Variants in CLASRP observed in about 807,000 individuals in gnomAD.
CLASRP encodes the protein CLK4-associating serine/arginine rich protein.
A neutral mutation model predicts 99.9 loss-of-function variants in CLASRP; 52 were observed. The observed-to-expected ratio is 0.52, with a 90% CI of 0.42 to 0.66. The LOEUF (loss-of-function observed/expected upper bound fraction) is 0.66. CLASRP is among the 30% of genes least tolerant of loss of function. The pLI, the probability that CLASRP is intolerant of heterozygous loss-of-function variation, is 0.00. For missense variants in CLASRP, 848 were observed against 999.2 expected, an observed-to-expected ratio of 0.85 and a Z score of 2.04; for synonymous variants, 379 against 373.0, an observed-to-expected ratio of 1.02 and a Z score of -0.18.
Position 45,064,630 on chromosome 19 carries a change from GGT to G in CLASRP, c.1409+8_1409+9del. On this transcript the variant is annotated splice_donor_variant, in intron 13 of 20. Transcript: ENST00000221455. LOFTEE classifies it high-confidence loss of function. The stretch of plus-strand genomic sequence containing the variant: ...GGTTACGGGCCCCGGCGCAGAAGCA[GGT>G]GTGTGTGGCTGGGCGTGGAGGTGGG... 6.5e-7 allele frequency: 1 copy of G among 1,549,504 alleles called. No individual in the cohort carries two copies. The highest frequency in any genetic ancestry group is 1.9e-5 in the Admixed American group (1 of 53,800).
At chr19:45,068,243 C>T in intron 15 of CLASRP, 177 bp from the exon 16 acceptor site, 1 of 663,080 alleles carries the variant, frequency 1.5e-6, no homozygotes, top group Non-Finnish European at 2.8e-6. Flanking sequence ...CACTGGGGCT[C>T]CACCTGTCAC....
Position 45,052,804 on chromosome 19 carries a change from G to C in CLASRP, c.211G>C (p.Gly71Arg). Reference protein sequence around the residue: ...ESPVNMMPWQGDTNNMIDRFD... With the variant: ...ESPVNMMPWQRDTNNMIDRFD... ...CTCCCACTTCAGGATGCCCTGGCAG[G>C]GGGACACCAACAACATGATTGACCG... Residue 71 changes from glycine (G) to arginine (R), a missense_variant, in exon 4 of 21, where the codon GGG (glycine) becomes CGG (arginine). By Grantham distance (125) the Gly-to-Arg change is moderately radical (BLOSUM62 -2). Coordinates refer to ENST00000221455, the MANE Select transcript of CLASRP (RefSeq NM_007056.3). The C allele has an allele frequency of 6.2e-7, 1 of 1,612,500 alleles. No homozygotes were observed. Among genetic ancestry groups the C allele is most frequent in the Non-Finnish European group, 8.5e-7 (1 of 1,179,338 alleles).
chr19:45,068,033 T>A lies in CLASRP; in HGVS notation c.1686T>A (p.Gly562=). 6.2e-7 allele frequency: 1 copy of A among 1,613,526 alleles called. No homozygotes were observed. Among genetic ancestry groups the A allele is most frequent in the Non-Finnish European group, 8.5e-7 (1 of 1,179,638 alleles). Residue 562 remains glycine, a synonymous_variant, in exon 15 of 21, where the codon GGT becomes GGA. Transcript: ENST00000221455. ...CACCCAGGACCGAACCTGCCGCTGG[T>A]AAAGAGACAGGAGCTGCCAAAGTCA... ...EKLKKTEPAA[G]KETGAAKPKL...
At chr19:45,062,988 G>A (rs900032617) in intron 11 of CLASRP, among the ~76,000 whole-genome samples, 7 of 152,076 alleles carry the variant, frequency 4.6e-5, no homozygotes, top group African/African-American at 1.2e-4. Context: ...TTCCCTCTTC[G>A]GAATGGGGGT....
At chr19:45,069,659 T>C (rs534934567) in intron 18 of CLASRP, 34 of 441,368 alleles carry the variant, frequency 7.7e-5, no homozygotes, top group Non-Finnish European at 1.4e-4. Flanking sequence ...TTTGACAAGA[T>C]CAAGGCCAGG....
intron 10 of CLASRP, among the ~76,000 whole-genome samples, chr19:45,061,818 G>T (rs908921947): frequency 6.6e-6 from 1 of 151,694 alleles, no homozygotes; most frequent in Non-Finnish European, 1.5e-5. Context: ...TCATTAGTAA[G>T]CCCGGACCCA....
Position 45,067,913 on chromosome 19 carries a change from GC to G in CLASRP, c.1668-100del, listed in dbSNP as rs1967130429. The G allele has an allele frequency of 1.1e-6, 1 of 898,370 alleles. No individual in the cohort carries two copies. Among genetic ancestry groups the G allele is most frequent in the Non-Finnish European group, 1.9e-6 (1 of 535,150 alleles). The allele number at this position is 898,370 out of a possible 1,614,324, so 55.6% of individuals were successfully genotyped here. On this transcript the variant is annotated intron_variant, in intron 14 of 20. Transcript: ENST00000221455. The surrounding 1 kb of genome is among the most constrained non-coding windows in gnomAD (Gnocchi z 4.9). ...GCACCCTGGGGCATCTGAGGCCCATGCCTTGGCTACCTGGTCTGAGGGCAGT... is the reference window on the plus strand; with the variant it reads ...GCACCCTGGGGCATCTGAGGCCCATGCTTGGCTACCTGGTCTGAGGGCAGT...
chr19:45,047,096 G>C (rs1311613053), intron 2 of CLASRP, among the ~76,000 whole-genome samples: 1 of 152,022 alleles, frequency 6.6e-6, no homozygotes, highest in East Asian at 1.9e-4. Flanking sequence ...AGCATTATTA[G>C]CAATAGCCAA....
chr19:45,062,275 G>A (rs1166876848), intron 11 of CLASRP, 80 bp downstream of exon 11: 4 of 860,860 alleles, frequency 4.6e-6, no homozygotes, highest in Non-Finnish European at 8.0e-6. Flanking sequence ...GGGGATGGGA[G>A]GTTCACCCTG....
chr19:45,064,471 C>A lies in CLASRP; in HGVS notation c.1250C>A (p.Ser417Tyr). The A allele has an allele frequency of 6.5e-7, 1 of 1,533,196 alleles. No homozygotes were observed. The highest frequency in any genetic ancestry group is 8.7e-7 in the Non-Finnish European group (1 of 1,143,460). The allele number at this position is 1,533,196 out of a possible 1,614,324, so 95.0% of individuals were successfully genotyped here. ...TACCGTTCCGGCCGCCACGCCCGCT[C>A]CCGGTCCCGCTCCTGGTCCCGCTCC... ...GYYRSGRHARSRSRSWSRSRS... is the reference protein window; with the variant it reads ...GYYRSGRHARYRSRSWSRSRS... The change falls in exon 13 of 21, where the codon TCC becomes TAC. Residue 417 changes from serine to tyrosine, a missense_variant. Coordinates refer to ENST00000221455, the MANE Select transcript of CLASRP (RefSeq NM_007056.3).
Position 45,068,441 on chromosome 19 carries a change from A to G in CLASRP, c.1729A>G (p.Lys577Glu). The change falls in exon 16 of 21, where the codon AAG (lysine) becomes GAG (glutamate). Residue 577 changes from lysine to glutamate, a missense_variant. Transcript: ENST00000221455. ...AAKPKLTPQE[K>E]LKLRMQKALN... The stretch of plus-strand genomic sequence containing the variant: ...CCAGCCCAAGCTGACGCCTCAGGAG[A>G]AGCTGAAACTGAGGATGCAGAAGGC... The G allele has an allele frequency of 6.2e-7, 1 of 1,608,418 alleles. No individual in the cohort carries two copies. Among genetic ancestry groups the G allele is most frequent in the Non-Finnish European group, 8.5e-7 (1 of 1,176,474 alleles).
intron 6 of CLASRP, 28 bp from the exon 7 acceptor site, chr19:45,057,722 C>T (rs1796551464): frequency 6.2e-7 from 1 of 1,613,082 alleles, no homozygotes; most frequent in African/African-American, 1.3e-5. Context: ...CTGGGCACGG[C>T]CCTGGCTTAC....
At chr19:45,053,607 T>A (rs1409981185) in intron 5 of CLASRP, among the ~76,000 whole-genome samples, 1 of 152,074 alleles carries the variant, frequency 6.6e-6, no homozygotes, top group Admixed American at 6.6e-5. Flanking sequence ...GCCTCCTGAG[T>A]AGCTGGGATT....
At chr19:45,042,847 C>T (rs547689737) in intron 2 of CLASRP, among the ~76,000 whole-genome samples, 77 of 152,194 alleles carry the variant, frequency 5.1e-4, no homozygotes, top group African/African-American at 1.7e-3. Flanking sequence ...GAACTCCCGA[C>T]CTCAAGTGAT....
rs887726942 is a variant in CLASRP, at chr19:45,060,870, G to T, written c.863+243G>T. Reference sequence around the variant, plus strand: ...CTGGGGGCCCTTGCCAGACTCCCAGGAGCCCATGCACAGGCGGCATAAGGC... The same window carrying T: ...CTGGGGGCCCTTGCCAGACTCCCAGTAGCCCATGCACAGGCGGCATAAGGC... On this transcript the variant is annotated intron_variant, in intron 10 of 20. Coordinates refer to ENST00000221455, the MANE Select transcript of CLASRP (RefSeq NM_007056.3). The surrounding 1 kb of genome is among the most constrained non-coding windows in gnomAD (Gnocchi z 4.6). 3.3e-5 allele frequency among the ~76,000 whole-genome samples: 5 copies of T among 152,216 alleles called. No individual in the cohort carries two copies. The highest frequency in any genetic ancestry group is 6.5e-5 in the Admixed American group (1 of 15,290).
At position 45,068,407 on chromosome 19, in the gene CLASRP, C is replaced by A. The variant is rs1241664003; in HGVS notation, c.1708-13C>A. ...ACCCACCCCCTCTCCCGCCTCTTCTCCCCCCTCCCCAGCCCAAGCTGACGC... is the reference window on the plus strand; with the variant it reads ...ACCCACCCCCTCTCCCGCCTCTTCTACCCCCTCCCCAGCCCAAGCTGACGC... On this transcript the variant is annotated splice_polypyrimidine_tract_variant and intron_variant, in intron 15 of 20. Coordinates refer to ENST00000221455, the MANE Select transcript of CLASRP (RefSeq NM_007056.3). 1.3e-6 allele frequency: 2 copies of A among 1,531,654 alleles called. No homozygotes were observed. The highest frequency in any genetic ancestry group is 1.8e-6 in the Non-Finnish European group (2 of 1,113,012). The allele number at this position is 1,531,654 out of a possible 1,614,324, so 94.9% of individuals were successfully genotyped here.
intron 2 of CLASRP, among the ~76,000 whole-genome samples, chr19:45,042,413 G>A (rs1014659375): frequency 2.6e-5 from 4 of 151,994 alleles, no homozygotes; most frequent in African/African-American, 9.6e-5. Flanking sequence ...CAGCTACTCG[G>A]GAGGCTGAGG....
At position 45,040,181 on chromosome 19, in the gene CLASRP, C is replaced by T. The variant is rs763107800; in HGVS notation, c.-29-3C>T. The T allele has an allele frequency of 1.1e-4, 174 of 1,541,878 alleles. No homozygotes were observed. The East Asian group carries it at 3.8e-3, about 34-fold the overall frequency. On this transcript the variant is annotated splice_polypyrimidine_tract_variant and splice_region_variant and intron_variant, in intron 1 of 20. Transcript: ENST00000221455. ...TGACTTTCCTGGTCCCTTCATCCCTCAGGTTGAGGCCCCAGGCTTGGCCTC... is the reference window on the plus strand; with the variant it reads ...TGACTTTCCTGGTCCCTTCATCCCTTAGGTTGAGGCCCCAGGCTTGGCCTC...
Position 45,057,783 on chromosome 19 carries a change from C to G in CLASRP, c.498C>G (p.Thr166=). 6.2e-7 allele frequency: 1 copy of G among 1,614,056 alleles called. No homozygotes were observed. The highest frequency in any genetic ancestry group is 8.5e-7 in the Non-Finnish European group (1 of 1,179,952). ...LAEKKASIGY[T]YEDSTVAEVE... is the part of the protein sequence containing the mutation. ...AGAAGAAGGCTTCCATCGGTTATAC[C>G]TACGAGGACAGCACGGTGGCCGAGG... The change falls in exon 7 of 21, where the codon ACC becomes ACG. Residue 166 remains threonine (T), a synonymous_variant. Coordinates refer to ENST00000221455, the MANE Select transcript of CLASRP (RefSeq NM_007056.3).
Sources: gnomAD v4.1 joint callset for allele counts (sites outside exome capture counted in the v4.1 genomes callset) on GRCh38, gnomAD v4.1.1 for gene constraint, Gnocchi (gnomAD v3.1) non-coding constraint, MANE v1.5 for transcripts, NCBI Gene and HGNC (gene_info 2026-07-23, HGNC 2026-07-21) for gene names.